The following GPR179 variants were observed in gnomAD, a reference collection of about 807,000 sequenced individuals.
GPR179 encodes G protein-coupled receptor 179.
GPR179 carries 52 observed loss-of-function variants against 70.8 expected under a neutral mutation model. That is an observed-to-expected ratio of 0.73 (90% CI 0.59 to 0.93). The LOEUF (loss-of-function observed/expected upper bound fraction) is 0.93. Ranked by LOEUF, GPR179 falls within the 40% of genes least tolerant of loss-of-function variation. GPR179 has a pLI of 0.00. For synonymous variants in GPR179, 1,123 were observed against 1,169.0 expected, an observed-to-expected ratio of 0.96 and a Z score of 0.80; for missense variants, 2,734 against 2,966.8, an observed-to-expected ratio of 0.92 and a Z score of 1.82.
chr17:38,327,873 C>G lies in GPR179; in HGVS notation c.5696G>C (p.Ser1899Thr). 6.2e-7 allele frequency: 1 copy of G among 1,614,192 alleles called. No homozygotes were observed. Among genetic ancestry groups the G allele is most frequent in the Non-Finnish European group, 8.5e-7 (1 of 1,180,028 alleles). The part of the protein sequence containing the change: ...PKISDLPSSM[S>T]SEVAEGHSLE... ...GGAATGTCCCTCTGCCACTTCACTA[C>G]TCATGCTGCTGGGCAAGTCTGAGAT... The change falls in exon 11 of 11, where the codon AGT becomes ACT. Residue 1899 changes from serine to threonine, a missense_variant. Physicochemically the swap from Ser to Thr is moderately conservative, Grantham distance 58 (BLOSUM62 1). Transcript: ENST00000616987.
rs2037301095 is a variant in GPR179 at position 38,327,630 on chromosome 17, G to A, written c.5939C>T (p.Pro1980Leu). ...GACCAGTCTCTGGGAGCTAGCTTTA[G>A]GTTGGTCAGGGCGCTGTCTGTCTAG... ...SHLDRQRPDQ[P>L]KASSQRLVST... is the part of the protein sequence containing the mutation. Residue 1980 changes from proline to leucine, a missense_variant, in exon 11 of 11, where the codon CCT (proline) becomes CTT (leucine). Physicochemically the swap from Pro to Leu is moderately conservative, Grantham distance 98 (BLOSUM62 -3). Transcript: ENST00000616987. 6.2e-7 allele frequency: 1 copy of A among 1,614,226 alleles called. No homozygotes were observed.
At position 38,330,958 on chromosome 17, in the gene GPR179, C is replaced by A; in HGVS notation, c.2611G>T (p.Glu871Ter). 2 of 1,611,802 alleles carry A rather than the reference C, an allele frequency of 1.2e-6. No homozygotes were observed. Among genetic ancestry groups the A allele is most frequent in the Non-Finnish European group, 1.7e-6 (2 of 1,179,280 alleles). Residue 871 changes from glutamate to a stop codon, truncating the protein, a stop_gained, in exon 11 of 11, where the codon GAG becomes TAG. Coordinates refer to ENST00000616987, the MANE Select transcript of GPR179 (RefSeq NM_001004334.4). LOFTEE classifies it low-confidence loss of function (END_TRUNC). ...ATGGCTGCCTTGGCCTTCTTCCGCT[C>A]CTCCCGCTCCTTTGCTTGCCGGTAG... ...ETYRQAKERE[E>*]RKKAKAAMAS...
chr17:38,330,421 C>T lies in GPR179; in HGVS notation c.3148G>A (p.Glu1050Lys). 1 of 1,597,610 alleles carries T rather than the reference C, an allele frequency of 6.3e-7. No individual in the cohort carries two copies. The highest frequency in any genetic ancestry group is 8.5e-7 in the Non-Finnish European group (1 of 1,169,974). The change falls in exon 11 of 11, where the codon GAG becomes AAG. Residue 1050 changes from glutamate (E) to lysine (K), a missense_variant. Glu to Lys is a moderately conservative substitution (Grantham distance 56, BLOSUM62 1). Coordinates refer to ENST00000616987, the MANE Select transcript of GPR179 (RefSeq NM_001004334.4). ...SRAGENEMDAEDAHHQREAND... is the reference protein window; with the variant it reads ...SRAGENEMDAKDAHHQREAND... ...GCTTCCCTCTGGTGATGTGCATCCTCTGCGTCCATCTCATTCTCCCCAGCC... is the reference window on the plus strand; with the variant it reads ...GCTTCCCTCTGGTGATGTGCATCCTTTGCGTCCATCTCATTCTCCCCAGCC...
rs947506361 is a variant in GPR179 at position 38,328,165 on chromosome 17, A to G, written c.5404T>C (p.Cys1802Arg). 3 of 1,612,904 alleles carry G rather than the reference A, an allele frequency of 1.9e-6. No individual in the cohort carries two copies. Among genetic ancestry groups the G allele is most frequent in the African/African-American group, 2.7e-5 (2 of 74,508 alleles). ...DHMGCRPGEV[C>R]PWEAQEAATS... is the part of the protein sequence containing the mutation. ...GCAGCTTCCTGTGCTTCCCAGGGACACACTTCACCTGGCCTGCAGCCCATA... is the reference window on the plus strand; with the variant it reads ...GCAGCTTCCTGTGCTTCCCAGGGACGCACTTCACCTGGCCTGCAGCCCATA... Residue 1802 changes from cysteine (C) to arginine (R), a missense_variant, in exon 11 of 11, where the codon TGT (cysteine) becomes CGT (arginine). Coordinates refer to ENST00000616987, the MANE Select transcript of GPR179 (RefSeq NM_001004334.4).
chr17:38,327,126 T>G lies in GPR179; in HGVS notation c.6443A>C (p.Glu2148Ala). 6.2e-7 allele frequency: 1 copy of G among 1,614,192 alleles called. No individual in the cohort carries two copies. Among genetic ancestry groups the G allele is most frequent in the South Asian group, 1.1e-5 (1 of 91,084 alleles). Residue 2148 changes from glutamate (E) to alanine (A), a missense_variant, in exon 11 of 11, where the codon GAA becomes GCA. Physicochemically the swap from Glu to Ala is moderately radical, Grantham distance 107 (BLOSUM62 -1). Coordinates refer to ENST00000616987, the MANE Select transcript of GPR179 (RefSeq NM_001004334.4). The stretch of plus-strand genomic sequence containing the variant: ...GAACATCTCTCCTTGCCCTTGTGAT[T>G]CTCTTTCCTGTTCCCCTTCCTCTGC... ...GAAEEGEQER[E>A]SQGQGEMFLQ... is the part of the protein sequence containing the mutation.
In GPR179 at chr17:38,330,873, AG is replaced by A. The variant is rs1216773012; in HGVS notation, c.2695del (p.Leu899CysfsTer70). The stretch of plus-strand genomic sequence containing the variant: ...CTTGGCAGGGGAAGGTGGAGCTGAC[AG>A]GGGGGCCCCTCGAGGCCGCTCCAGC... ...RRLERPRGAP[L>X]SAPPSPAKSS... On this transcript the variant is annotated frameshift_variant, in exon 11 of 11. Coordinates refer to ENST00000616987, the MANE Select transcript of GPR179 (RefSeq NM_001004334.4). LOFTEE classifies it low-confidence loss of function (END_TRUNC). 1.9e-6 allele frequency: 3 copies of A among 1,601,166 alleles called. No homozygotes were observed. Among genetic ancestry groups the A allele is most frequent in the Non-Finnish European group, 2.6e-6 (3 of 1,174,368 alleles).
Position 38,329,672 on chromosome 17 carries a change from G to A in GPR179, c.3897C>T (p.Pro1299=), listed in dbSNP as rs2037331649. The change falls in exon 11 of 11, where the codon CCC becomes CCT. Residue 1299 remains proline (P), a synonymous_variant. Transcript: ENST00000616987. ...KRGEARGKSE[P]IDVVPMMRKK... ...TCCGCATCATGGGAACCACATCTAT[G>A]GGCTCTGATTTTCCCCGGGCCTCCC... is the stretch of plus-strand genomic sequence containing the variant. 2 of 1,614,022 alleles carry A rather than the reference G, an allele frequency of 1.2e-6. No homozygotes were observed. The highest frequency in any genetic ancestry group is 1.7e-6 in the Non-Finnish European group (2 of 1,180,036).
At position 38,327,864 on chromosome 17, in the gene GPR179, A is replaced by C; in HGVS notation, c.5705T>G (p.Val1902Gly). Residue 1902 changes from valine to glycine, a missense_variant, in exon 11 of 11, where the codon GTG becomes GGG. By Grantham distance (109) the Val-to-Gly change is moderately radical (BLOSUM62 -3). Transcript: ENST00000616987. ...TGCTTCCAAGGAATGTCCCTCTGCC[A>C]CTTCACTACTCATGCTGCTGGGCAA... is the stretch of plus-strand genomic sequence containing the variant. Reference protein sequence around the residue: ...SDLPSSMSSEVAEGHSLEATE... With the variant: ...SDLPSSMSSEGAEGHSLEATE... 1.2e-6 allele frequency: 2 copies of C among 1,614,094 alleles called. No individual in the cohort carries two copies. The highest frequency in any genetic ancestry group is 1.7e-6 in the Non-Finnish European group (2 of 1,180,012).
At position 38,343,251 on chromosome 17, in the gene GPR179, C is replaced by CTCCTG; in HGVS notation, c.538_539insCAGGA (p.Gly180AlafsTer20). On this transcript the variant is annotated frameshift_variant, in exon 1 of 11. Coordinates refer to ENST00000616987, the MANE Select transcript of GPR179 (RefSeq NM_001004334.4). LOFTEE classifies it high-confidence loss of function. The surrounding 1 kb of genome is among the most constrained non-coding windows in gnomAD (Gnocchi z 4.2). ...AGGGTTCTCCTCCTGCACCCAGTTC[C>CTCCTG]CAGACAAGTCCTGCAGGATGGTTTC... The CTCCTG allele has an allele frequency of 6.2e-7, 1 of 1,614,212 alleles. No homozygotes were observed. Among genetic ancestry groups the CTCCTG allele is most frequent in the Non-Finnish European group, 8.5e-7 (1 of 1,180,024 alleles).
Position 38,329,225 on chromosome 17 carries a change from G to A in GPR179, c.4344C>T (p.Ser1448=), listed in dbSNP as rs1313724743. ...TGCCCAAACTCCCTGAACACTCTGA[G>A]CTTCCTGGGGCCTGAATTGAGACTG... is the stretch of plus-strand genomic sequence containing the variant. The part of the protein sequence containing the change: ...PSAVSIQAPG[S]SECSGSLGSG... Residue 1448 remains serine, a synonymous_variant, in exon 11 of 11, where the codon AGC becomes AGT. Coordinates refer to ENST00000616987, the MANE Select transcript of GPR179 (RefSeq NM_001004334.4). 6.2e-7 allele frequency: 1 copy of A among 1,613,828 alleles called. No homozygotes were observed. Among genetic ancestry groups the A allele is most frequent in the Non-Finnish European group, 8.5e-7 (1 of 1,179,922 alleles).
chr17:38,337,518 G>T, intron 3 of GPR179, 115 bp downstream of exon 3: 2 of 917,368 alleles, frequency 2.2e-6, no homozygotes, highest in Non-Finnish European at 1.7e-6. Context: ...TTCTGCCCTT[G>T]CCCCACAAGT....
rs1403771038 is a variant in GPR179 at position 38,331,726 on chromosome 17, G to C, written c.2038-195C>G. 2.0e-5 allele frequency among the ~76,000 whole-genome samples: 3 copies of C among 152,160 alleles called. No homozygotes were observed. The East Asian group carries it at 5.8e-4, about 29-fold the overall frequency. Reference sequence around the variant, plus strand: ...AGACCAGTTGCCAACCTGAGTCCCAGCCAGATCCAGTCAGCTCGGAGGACT... The same window carrying C: ...AGACCAGTTGCCAACCTGAGTCCCACCCAGATCCAGTCAGCTCGGAGGACT... On this transcript the variant is annotated intron_variant, in intron 10 of 10. Transcript: ENST00000616987.
In GPR179 at chr17:38,330,437, C is replaced by A. The variant is rs768846087; in HGVS notation, c.3132G>T (p.Glu1044Asp). 1 of 1,581,212 alleles carries A rather than the reference C, an allele frequency of 6.3e-7. No individual in the cohort carries two copies. The highest frequency in any genetic ancestry group is 8.6e-7 in the Non-Finnish European group (1 of 1,160,902). ...SVAVEKSRAG[E>D]NEMDAEDAHH... ...GTGCATCCTCTGCGTCCATCTCATT[C>A]TCCCCAGCCCTGCTTTTCTCTACTG... Residue 1044 changes from glutamate (E) to aspartate (D), a missense_variant, in exon 11 of 11, where the codon GAG becomes GAT. Transcript: ENST00000616987.
rs2037468442 is a variant in GPR179, at chr17:38,343,461, T to C, written c.329A>G (p.Asn110Ser). 1 of 1,613,890 alleles carries C rather than the reference T, an allele frequency of 6.2e-7. No homozygotes were observed. The highest frequency in any genetic ancestry group is 8.5e-7 in the Non-Finnish European group (1 of 1,180,030). The part of the protein sequence containing the change: ...GTLAQAANFL[N>S]MLLQANDIRE... ...GATGTCGTTGGCTTGCAGCAGCATG[T>C]TGAGAAAATTGGCGGCCTGGGCAAG... Residue 110 changes from asparagine (N) to serine (S), a missense_variant, in exon 1 of 11, where the codon AAC (asparagine) becomes AGC (serine). By Grantham distance (46) the Asn-to-Ser change is conservative (BLOSUM62 1). Transcript: ENST00000616987. This position sits in a 1 kb window ranked among gnomAD's most constrained non-coding sequence, Gnocchi z 4.2.
At chr17:38,336,861 G>T in intron 4 of GPR179, 117 bp downstream of exon 4, 2 of 1,069,308 alleles carry the variant, frequency 1.9e-6, no homozygotes, top group Non-Finnish European at 2.7e-6. Flanking sequence ...TACACAGTGA[G>T]TTAGATTTAG....
At chr17:38,331,588 C>CTGTCTG in intron 10 of GPR179, 57 bp from the exon 11 acceptor site, 2 of 1,540,224 alleles carry the variant, frequency 1.3e-6, no homozygotes, top group Non-Finnish European at 1.8e-6. Flanking sequence ...CATCCCCTGG[C>CTGTCTG]TGTCTGTTCC....
chr17:38,336,838 A>G (rs546806324), intron 4 of GPR179, 140 bp downstream of exon 4: 1 of 861,964 alleles, frequency 1.2e-6, no homozygotes, highest in African/African-American at 1.7e-5. Flanking sequence ...CGGAGAAATC[A>G]CTTGCATCAT....
intron 3 of GPR179, among the ~76,000 whole-genome samples, 154 bp downstream of exon 3, chr17:38,337,479 C>T (rs533794940): frequency 2.0e-5 from 3 of 152,232 alleles, no homozygotes; most frequent in African/African-American, 7.2e-5. Context: ...CACACTGCAA[C>T]CTGCTTGCCT....
rs2037320847 is a variant in GPR179, at chr17:38,328,936, GC to G, written c.4632del (p.His1545ThrfsTer6). 2 of 1,614,038 alleles carry G rather than the reference GC, an allele frequency of 1.2e-6. No homozygotes were observed. Among genetic ancestry groups the G allele is most frequent in the African/African-American group, 2.7e-5 (2 of 74,912 alleles). On this transcript the variant is annotated frameshift_variant, in exon 11 of 11. Transcript: ENST00000616987. LOFTEE classifies it low-confidence loss of function (END_TRUNC). ...GAATTGTCTAGACATGGGCTGGAGT[GC>G]CCAGGGACCGTGCTCTCCCTGGGAC... ...SVCPRESTVP[G>X]HSSPCLDNSS... is the part of the protein sequence containing the mutation.
Sources: gnomAD v4.1 joint callset for allele counts (sites outside exome capture counted in the v4.1 genomes callset) on GRCh38, gnomAD v4.1.1 for gene constraint, Gnocchi (gnomAD v3.1) non-coding constraint, MANE v1.5 for transcripts, NCBI Gene and HGNC (gene_info 2026-07-23, HGNC 2026-07-21) for gene names.